NRROS: variants seen among roughly 807,000 people sequenced by gnomAD.
The protein encoded by NRROS is negative regulator of reactive oxygen species.
In NRROS, 6 loss-of-function variants were observed where a neutral mutation model predicts 12.0. The observed-to-expected ratio is 0.50, with a 90% confidence interval of 0.27 to 0.98. NRROS has a LOEUF of 0.98. NRROS is among the 50% of genes least tolerant of loss of function. The pLI is 0.11. For synonymous variants in NRROS, 462 were observed against 410.2 expected, an observed-to-expected ratio of 1.13 and a Z score of -1.53; for missense variants, 857 against 888.2, an observed-to-expected ratio of 0.96 and a Z score of 0.45.
chr3:196,661,811 T>TC lies in NRROS; in HGVS notation c.*90dup. The TC allele has an allele frequency of 8.7e-7, 1 of 1,144,906 alleles. No individual in the cohort carries two copies. Among genetic ancestry groups the TC allele is most frequent in the Non-Finnish European group, 1.2e-6 (1 of 821,210 alleles). 70.9% of individuals were successfully genotyped at this position (1,144,906 alleles called of 1,614,324 possible). A position where few individuals can be genotyped will look rare whatever the true frequency, so the allele number is the denominator to read the frequency against. Reference sequence around the variant, plus strand: ...TTCAAGATGTGATGCAGAGGCCAAGTCTGACGAATTGAAGTTTCAATTAAA... The same window carrying TC: ...TTCAAGATGTGATGCAGAGGCCAAGTCCTGACGAATTGAAGTTTCAATTAAA... On this transcript the variant is annotated 3_prime_UTR_variant, in exon 3 of 3. Coordinates refer to ENST00000328557, the MANE Select transcript of NRROS (RefSeq NM_198565.3).
intron 1 of NRROS, among the ~76,000 whole-genome samples, chr3:196,643,943 A>T (rs1184863906): frequency 6.6e-6 from 1 of 152,162 alleles, no homozygotes; most frequent in Admixed American, 6.5e-5. Context: ...AGTGGGGAGC[A>T]GGGCTTTCCC....
chr3:196,660,445 C>G lies in NRROS; in HGVS notation c.802C>G (p.Leu268Val). 6.2e-7 allele frequency: 1 copy of G among 1,614,042 alleles called. No individual in the cohort carries two copies. Among genetic ancestry groups the G allele is most frequent in the Non-Finnish European group, 8.5e-7 (1 of 1,179,964 alleles). ...SHNQLLFFPL[L>V]PQYSKLRTLL... ...CAACCAGCTGCTGTTCTTCCCGCTG[C>G]TGCCCCAGTACAGCAAGTTGCGGAC... The change falls in exon 3 of 3, where the codon CTG becomes GTG. Residue 268 changes from leucine to valine, a missense_variant. Leu to Val is a conservative substitution (Grantham distance 32, BLOSUM62 1). Transcript: ENST00000328557. The surrounding 1 kb of genome is among the most constrained non-coding windows in gnomAD (Gnocchi z 7.7).
At chr3:196,651,764 C>T (rs1283439332) in intron 1 of NRROS, among the ~76,000 whole-genome samples, 1 of 152,096 alleles carries the variant, frequency 6.6e-6, no homozygotes, top group Non-Finnish European at 1.5e-5. Context: ...AAAACTCCGT[C>T]TCAAAAAACA....
intron 1 of NRROS, among the ~76,000 whole-genome samples, chr3:196,652,766 T>C (rs1007447939): frequency 1.4e-4 from 21 of 152,244 alleles, no homozygotes; most frequent in African/African-American, 4.8e-4. Flanking sequence ...CTCTTGCCCC[T>C]TACACGTCTA....
Position 196,660,406 on chromosome 3 carries a change from C to A in NRROS, c.763C>A (p.Leu255Met), listed in dbSNP as rs1180772613. 4 of 1,613,812 alleles carry A rather than the reference C, an allele frequency of 2.5e-6. No homozygotes were observed. The Admixed American group carries it at 6.7e-5, about 27-fold the overall frequency. The change falls in exon 3 of 3, where the codon CTG becomes ATG. Residue 255 changes from leucine (L) to methionine (M), a missense_variant. Transcript: ENST00000328557. The surrounding 1 kb of genome is among the most constrained non-coding windows in gnomAD (Gnocchi z 7.7). ...GGEAAFELETLDLSHNQLLFF... is the reference protein window; with the variant it reads ...GGEAAFELETMDLSHNQLLFF... ...AGAGGCTGCCTTCGAGCTGGAGACG[C>A]TGGACCTGTCTCACAACCAGCTGCT...
In NRROS at chr3:196,660,275, A is replaced by G. The variant is rs771291661; in HGVS notation, c.632A>G (p.Asn211Ser). Residue 211 changes from asparagine to serine, a missense_variant, in exon 3 of 3, where the codon AAC (asparagine) becomes AGC (serine). Transcript: ENST00000328557. This position sits in a 1 kb window ranked among gnomAD's most constrained non-coding sequence, Gnocchi z 7.7. ...FDGLAELRHL[N>S]LAFNNLPCIV... The stretch of plus-strand genomic sequence containing the variant: ...GGCCTGGCTGAGCTGAGGCACCTCA[A>G]CCTGGCCTTCAACAACCTCCCCTGC... The G allele has an allele frequency of 2.2e-5, 36 of 1,613,806 alleles. No homozygotes were observed. In the South Asian group the frequency reaches 2.4e-4, roughly 11 times the overall value.
intron 1 of NRROS, among the ~76,000 whole-genome samples, chr3:196,646,914 A>G (rs1489007459): frequency 1.3e-5 from 2 of 152,286 alleles, no homozygotes; most frequent in South Asian, 2.1e-4. Flanking sequence ...TGGCCTGCAT[A>G]TTCTTTTAGC....
chr3:196,659,982 G>T lies in NRROS; in HGVS notation c.339G>T (p.Gly113=). The change falls in exon 3 of 3, where the codon GGG becomes GGT. Residue 113 remains glycine, a synonymous_variant. Transcript: ENST00000328557. Reference sequence around the variant, plus strand: ...GTCACCTGCGCAGCCTGGTCCTGGGGGACAACTGCCTCTCAGAGAACTACG... The same window carrying T: ...GTCACCTGCGCAGCCTGGTCCTGGGTGACAACTGCCTCTCAGAGAACTACG... ...EQGHLRSLVL[G]DNCLSENYEE... The T allele has an allele frequency of 3.7e-6, 6 of 1,613,736 alleles. No homozygotes were observed. Among genetic ancestry groups the T allele is most frequent in the Non-Finnish European group, 5.1e-6 (6 of 1,179,854 alleles).
Position 196,661,048 on chromosome 3 carries a change from C to T in NRROS, c.1405C>T (p.Leu469=), listed in dbSNP as rs763035282. 9 of 1,614,048 alleles carry T rather than the reference C, an allele frequency of 5.6e-6. No individual in the cohort carries two copies. The Middle Eastern group carries it at 6.6e-4, about 118-fold the overall frequency. ...TATGGCATCTTTAAGGAGCCTGTCT[C>T]TGGAGGGCTGTGGCCTGGGGGCATT... ...RNMASLRSLS[L]EGCGLGALPD... The change falls in exon 3 of 3, where the codon CTG becomes TTG. Residue 469 remains leucine, a synonymous_variant. Coordinates refer to ENST00000328557, the MANE Select transcript of NRROS (RefSeq NM_198565.3).
intron 1 of NRROS, among the ~76,000 whole-genome samples, chr3:196,647,317 G>A (rs6583333): frequency 3.3e-5 from 5 of 152,162 alleles, no homozygotes; most frequent in African/African-American, 9.7e-5. Context: ...CCTGCAGGGT[G>A]TGAGACAGTT....
chr3:196,661,392 G>A lies in NRROS; in HGVS notation c.1749G>A (p.Ser583=), dbSNP rs560844051. Residue 583 remains serine, a synonymous_variant, in exon 3 of 3, where the codon TCG becomes TCA. Transcript: ENST00000328557. ...LPQKAVSEQL[S]RGLRTIYLSQ... The stretch of plus-strand genomic sequence containing the variant: ...AGAAGGCTGTGTCTGAGCAGCTCTC[G>A]AGAGGTCTGCGGACCATCTACCTCA... The A allele has an allele frequency of 6.4e-5, 100 of 1,571,792 alleles. No individual in the cohort carries two copies. In the South Asian group the frequency reaches 1.1e-3, roughly 17 times the overall value.
At position 196,661,833 on chromosome 3, in the gene NRROS, T is replaced by G. The variant is rs1577638697; in HGVS notation, c.*111T>G. Reference sequence around the variant, plus strand: ...AAGTCTGACGAATTGAAGTTTCAATTAAAATTTAATATGTTTCCATTCCTC... The same window carrying G: ...AAGTCTGACGAATTGAAGTTTCAATGAAAATTTAATATGTTTCCATTCCTC... On this transcript the variant is annotated 3_prime_UTR_variant, in exon 3 of 3. Coordinates refer to ENST00000328557, the MANE Select transcript of NRROS (RefSeq NM_198565.3). The G allele has an allele frequency of 3.2e-6, 3 of 945,204 alleles. No homozygotes were observed. The highest frequency in any genetic ancestry group is 4.1e-5 in the South Asian group (2 of 48,754). 58.6% of individuals were successfully genotyped at this position (945,204 alleles called of 1,614,324 possible).
At chr3:196,641,884 C>G (rs1188090063) in intron 1 of NRROS, among the ~76,000 whole-genome samples, 2 of 152,316 alleles carry the variant, frequency 1.3e-5, no homozygotes, top group East Asian at 1.9e-4. Flanking sequence ...TCAACCACGA[C>G]TGAAAACACT....
chr3:196,659,332 G>A (rs138169725), intron 2 of NRROS, among the ~76,000 whole-genome samples: 1,278 of 119,982 alleles, frequency 0.011, 21 homozygotes, highest in African/African-American at 0.04. Context: ...ATGGAGTCTT[G>A]CTCTGTCGCC....
chr3:196,649,310 T>C (rs766808556), intron 1 of NRROS, among the ~76,000 whole-genome samples: 13 of 152,168 alleles, frequency 8.5e-5, no homozygotes, highest in Non-Finnish European at 1.8e-4. Flanking sequence ...GCAATTGCTC[T>C]TTTTCTTGCA....
At chr3:196,659,633 AC>A in intron 2 of NRROS, 118 bp from the exon 3 acceptor site, 1 of 1,026,308 alleles carries the variant, frequency 9.7e-7, no homozygotes, top group South Asian at 1.7e-5. Context: ...TTTAAAATGA[AC>A]ATCTCTAGAG....
Position 196,661,755 on chromosome 3 carries a change from C to T in NRROS, c.*33C>T, listed in dbSNP as rs751875271. On this transcript the variant is annotated 3_prime_UTR_variant, in exon 3 of 3. Transcript: ENST00000328557. ...GTGTGCCAAGACTCGAAATTCGGTCCGCACACAACAGGACACTTTCTCTGC... is the reference window on the plus strand; with the variant it reads ...GTGTGCCAAGACTCGAAATTCGGTCTGCACACAACAGGACACTTTCTCTGC... 5.8e-5 allele frequency: 90 copies of T among 1,542,920 alleles called. No individual in the cohort carries two copies. The highest frequency in any genetic ancestry group is 7.1e-5 in the Non-Finnish European group (81 of 1,143,084).
rs534961425 is a variant in NRROS, at chr3:196,659,662, A to C, written c.109-90A>C. On this transcript the variant is annotated intron_variant, in intron 2 of 2. Transcript: ENST00000328557. ...CTCTAGAGCCATCCCCGGCGGTTGC[A>C]GGGACAGTCTGATAAGTGAACTAAG... is the stretch of plus-strand genomic sequence containing the variant. The C allele has an allele frequency of 3.4e-4, 449 of 1,322,844 alleles. 2 individuals carry two copies. The African/African-American group carries it at 6.0e-3, about 18-fold the overall frequency. 81.9% of individuals were successfully genotyped at this position (1,322,844 alleles called of 1,614,324 possible).
intron 1 of NRROS, among the ~76,000 whole-genome samples, chr3:196,645,141 C>T (rs115132038): frequency 0.015 from 2,269 of 152,290 alleles, 26 homozygotes; most frequent in Non-Finnish European, 0.025. Flanking sequence ...CTATAATACA[C>T]TGCCATATGA....
Sources: gnomAD v4.1 joint callset for allele counts (sites outside exome capture counted in the v4.1 genomes callset) on GRCh38, gnomAD v4.1.1 for gene constraint, Gnocchi (gnomAD v3.1) non-coding constraint, MANE v1.5 for transcripts, NCBI Gene and HGNC (gene_info 2026-07-23, HGNC 2026-07-21) for gene names.